The following RASL12 variants were observed in gnomAD, a reference collection of about 807,000 sequenced individuals.
RASL12 encodes RAS like family 12.
In RASL12, 16 loss-of-function variants were observed where a neutral mutation model predicts 22.9. The ratio of observed to expected loss-of-function variants is 0.70; its 90% CI spans 0.47 to 1.06. RASL12 has a LOEUF of 1.06. RASL12 is among the 50% of genes least tolerant of loss of function. The probability of loss-of-function intolerance (pLI) is 0.00; values close to 1 mark genes in which losing one functional copy is unlikely to be tolerated. For missense variants in RASL12, 306 were observed against 353.1 expected, an observed-to-expected ratio of 0.87 and a Z score of 1.07; for synonymous variants, 159 against 152.2, an observed-to-expected ratio of 1.04 and a Z score of -0.33.
intron 1 of RASL12, among the ~76,000 whole-genome samples, chr15:65,066,697 C>G (rs539897157): frequency 6.6e-6 from 1 of 152,160 alleles, no homozygotes; most frequent in Non-Finnish European, 1.5e-5. Context: ...TTTCAAAGGG[C>G]AAATCTTTCA....
Position 65,053,365 on chromosome 15 carries a change from A to G in RASL12, c.*1534T>C, listed in dbSNP as rs149594598. On this transcript the variant is annotated 3_prime_UTR_variant, in exon 5 of 5. Transcript: ENST00000220062. The stretch of plus-strand genomic sequence containing the variant: ...TGTTATTAAAAAAAATCTTTTATTA[A>G]AATGCTCCTGGAAGGGAGCAGGTGG... The G allele has an allele frequency of 7.1e-7, 1 of 1,398,948 alleles. No homozygotes were observed. Among genetic ancestry groups the G allele is most frequent in the East Asian group, 2.7e-5 (1 of 37,046 alleles). The allele number at this position is 1,398,948 out of a possible 1,614,324, so 86.7% of individuals were successfully genotyped here.
intron 1 of RASL12, among the ~76,000 whole-genome samples, chr15:65,073,593 C>T (rs2414873): frequency 0.01 from 1,556 of 152,304 alleles, 23 homozygotes; most frequent in African/African-American, 0.035. Flanking sequence ...CCTCTGGCTG[C>T]GCGGCCTGGT....
downstream of RASL12, chr15:65,049,989 T>C: frequency 1.3e-6 from 2 of 1,546,646 alleles, no homozygotes; most frequent in Non-Finnish European, 1.7e-6. Flanking sequence ...TTGCACACGC[T>C]ACCAGGAGCA....
intron 1 of RASL12, 132 bp downstream of exon 1, chr15:65,067,601 T>C: frequency 1.8e-6 from 2 of 1,105,066 alleles, no homozygotes; most frequent in Non-Finnish European, 1.2e-6. Context: ...TCACGGTGTC[T>C]TGTGCGACCC....
In RASL12 at chr15:65,055,293, G is replaced by A. The variant is rs1160446739; in HGVS notation, c.426-19C>T. 3.9e-6 allele frequency: 6 copies of A among 1,526,150 alleles called. No homozygotes were observed. Among genetic ancestry groups the A allele is most frequent in the Non-Finnish European group, 5.3e-6 (6 of 1,136,474 alleles). 94.5% of individuals were successfully genotyped at this position (1,526,150 alleles called of 1,614,324 possible). A position where few individuals can be genotyped will look rare whatever the true frequency, so the allele number is the denominator to read the frequency against. On this transcript the variant is annotated intron_variant, in intron 4 of 4. Transcript: ENST00000220062. Reference sequence around the variant, plus strand: ...GACTTGCCTGGTGAGGAAGCAGTGTGAGGCAGGGAGTTAGGAGCAGGCTGT... The same window carrying A: ...GACTTGCCTGGTGAGGAAGCAGTGTAAGGCAGGGAGTTAGGAGCAGGCTGT...
downstream of RASL12, among the ~76,000 whole-genome samples, chr15:65,050,830 C>CTTTTTTTTTTTTTTT (rs1206139825): frequency 2.1e-5 from 1 of 48,532 alleles, no homozygotes; most frequent in African/African-American, 5.3e-5. Flanking sequence ...CTTTCTTCTT[C>CTTTTTTTTTTTTTTT]TTCTTCTTTT....
chr15:65,065,967 T>C (rs139679416), intron 1 of RASL12, among the ~76,000 whole-genome samples: 2 of 151,552 alleles, frequency 1.3e-5, no homozygotes, highest in African/African-American at 2.4e-5. Context: ...ACTACTATAC[T>C]GGACCCTCAA....
intron 1 of RASL12, among the ~76,000 whole-genome samples, chr15:65,075,240 C>T (rs1318636069): frequency 4.6e-5 from 7 of 152,240 alleles, no homozygotes; most frequent in Admixed American, 6.5e-5. Context: ...GATTTCTCAC[C>T]GGGCCTTAGC....
At chr15:65,075,496 G>T (rs1344388453) in intron 1 of RASL12, among the ~76,000 whole-genome samples, 2 of 152,242 alleles carry the variant, frequency 1.3e-5, no homozygotes, top group Non-Finnish European at 1.5e-5. Context: ...CCTGAGTCTG[G>T]TGGGGACGTG....
chr15:65,056,669 G>T (rs1248740101), intron 4 of RASL12, among the ~76,000 whole-genome samples: 4 of 152,082 alleles, frequency 2.6e-5, no homozygotes, highest in African/African-American at 9.7e-5. Context: ...AATTTTATCA[G>T]TGGCTTGGGA....
the RASL12 span, among the ~76,000 whole-genome samples, chr15:65,048,207 A>T: frequency 6.8e-6 from 1 of 146,158 alleles, no homozygotes; most frequent in African/African-American, 2.5e-5. Context: ...AAAAAAAAAA[A>T]GTCTAAGAAA....
chr15:65,069,862 G>A (rs572412547), upstream of RASL12, among the ~76,000 whole-genome samples: 1 of 152,154 alleles, frequency 6.6e-6, no homozygotes, highest in Non-Finnish European at 1.5e-5. Context: ...TGGCCACCTG[G>A]TTACTGGGGC....
downstream of RASL12, chr15:65,049,501 T>A (rs1249347328): frequency 6.6e-6 from 1 of 152,032 alleles, no homozygotes; most frequent in African/African-American, 2.4e-5. Flanking sequence ...CTTTGACATG[T>A]GGGGAAACAC....
intron 1 of RASL12, among the ~76,000 whole-genome samples, chr15:65,074,775 G>A (rs545959200): frequency 2.0e-5 from 3 of 152,368 alleles, no homozygotes; most frequent in South Asian, 2.1e-4. Flanking sequence ...CAGGTGAAAT[G>A]GGTATCTCCC....
chr15:65,050,038 G>T, downstream of RASL12: 1 of 1,551,758 alleles, frequency 6.4e-7, no homozygotes, highest in Non-Finnish European at 8.7e-7. Context: ...CGGAGACCCA[G>T]CCGGTACTGT....
chr15:65,054,246 A>G lies in RASL12; in HGVS notation c.*653T>C. ...AGAACTCTGGGGCTCCTTATGCTGG[A>G]CAACCTACAGTCCCTCCCTTTTATC... On this transcript the variant is annotated 3_prime_UTR_variant, in exon 5 of 5. Transcript: ENST00000220062. 1.0e-6 allele frequency: 1 copy of G among 985,922 alleles called. No homozygotes were observed. Among genetic ancestry groups the G allele is most frequent in the Non-Finnish European group, 1.2e-6 (1 of 830,004 alleles). The allele number at this position is 985,922 out of a possible 1,614,324, so 61.1% of individuals were successfully genotyped here.
At chr15:65,050,199 A>T, downstream of RASL12, 1 of 939,866 alleles carries the variant, frequency 1.1e-6, no homozygotes. Flanking sequence ...CCTCCAGGTC[A>T]GGCGGTACAT....
chr15:65,076,452 G>A (rs1302027682), intron 1 of RASL12: 3 of 602,976 alleles, frequency 5.0e-6, no homozygotes, highest in Non-Finnish European at 8.9e-6. Context: ...CCCACCAGAA[G>A]GAAGAAACTC....
At chr15:65,071,466 A>G (rs1329143053), upstream of RASL12, among the ~76,000 whole-genome samples, 2 of 152,058 alleles carry the variant, frequency 1.3e-5, no homozygotes, top group African/African-American at 4.8e-5. Context: ...GCAACACCCC[A>G]CCGGGGCCTT....
Sources: gnomAD v4.1 joint callset for allele counts (sites outside exome capture counted in the v4.1 genomes callset) on GRCh38, gnomAD v4.1.1 for gene constraint, MANE v1.5 for transcripts, NCBI Gene and HGNC (gene_info 2026-07-23, HGNC 2026-07-21) for gene names.